The following DGKI variants were observed in gnomAD, a reference collection of about 807,000 sequenced individuals.
DGKI encodes the protein diacylglycerol kinase iota, also known as DAG kinase iota.
In DGKI, 55 loss-of-function variants were observed where a neutral mutation model predicts 147.5. The observed-to-expected ratio is 0.37, with a 90% CI of 0.30 to 0.47. The LOEUF (loss-of-function observed/expected upper bound fraction) is 0.47, where lower values mean the gene tolerates loss of function less well. Ranked by LOEUF, DGKI falls within the 20% of genes least tolerant of loss-of-function variation. The pLI is 1.00. For missense variants in DGKI, 1,007 were observed against 1,323.8 expected, an observed-to-expected ratio of 0.76 and a Z score of 3.71; for synonymous variants, 469 against 477.1, an observed-to-expected ratio of 0.98 and a Z score of 0.22.
chr7:137,419,367 G>C (rs534909384), intron 28 of DGKI, among the ~76,000 whole-genome samples: 1 of 152,080 alleles, frequency 6.6e-6, no homozygotes, highest in Admixed American at 6.5e-5. Flanking sequence ...GTTACTTCTT[G>C]CGTGGCTACC....
At chr7:137,442,799 T>C (rs1813560300) in intron 28 of DGKI, among the ~76,000 whole-genome samples, 1 of 152,234 alleles carries the variant, frequency 6.6e-6, no homozygotes, top group Non-Finnish European at 1.5e-5. Context: ...AAACACTTTT[T>C]CCTTGTTTGC....
chr7:137,843,243 TTGTACTGACTTATA>T (rs1367004272), intron 1 of DGKI: 1 of 173,554 alleles, frequency 5.8e-6, no homozygotes, highest in East Asian at 1.9e-4. Flanking sequence ...TTTTTTTTTA[TTGTACTGACTTATA>T]TGGGAATTCT....
At chr7:137,677,747 T>C (rs1158705538) in intron 3 of DGKI, among the ~76,000 whole-genome samples, 1 of 152,222 alleles carries the variant, frequency 6.6e-6, no homozygotes, top group Admixed American at 6.5e-5. Context: ...AAAAAAGCAT[T>C]CTATAAATTC....
intron 28 of DGKI, among the ~76,000 whole-genome samples, chr7:137,437,715 C>T (rs1353854965): frequency 6.6e-6 from 1 of 152,012 alleles, no homozygotes; most frequent in Non-Finnish European, 1.5e-5. Context: ...ATATATCCTC[C>T]AACAGATATC....
rs1369812656 is a variant in DGKI at position 137,608,058 on chromosome 7, GTAATAAGAACATCATC to G, written c.1167+892_1167+907del. On this transcript the variant is annotated intron_variant, in intron 10 of 32. Transcript: ENST00000614521. ...TTCTGGACAATGCCCATTGTCTTTA[GTAATAAGAACATCATC>G]TTGGACCAGTGGGTCAATCCTATTT... is the stretch of plus-strand genomic sequence containing the variant. 2.0e-5 allele frequency among the ~76,000 whole-genome samples: 3 copies of G among 152,284 alleles called. No individual in the cohort carries two copies. The East Asian group carries it at 5.8e-4, about 29-fold the overall frequency.
chr7:137,592,140 G>A (rs889466675), intron 12 of DGKI, among the ~76,000 whole-genome samples: 21 of 152,166 alleles, frequency 1.4e-4, no homozygotes, highest in Non-Finnish European at 2.6e-4. Flanking sequence ...TCCGGAACCC[G>A]TTTCCACCTG....
chr7:137,825,628 TCTCACACACACACA>T (rs1295064595), intron 1 of DGKI, among the ~76,000 whole-genome samples: 1 of 150,568 alleles, frequency 6.6e-6, no homozygotes, highest in Non-Finnish European at 1.5e-5. Flanking sequence ...ACACACACAC[TCTCACACACACACA>T]TTCACACGCA....
At chr7:137,485,874 T>C (rs1329519627) in intron 22 of DGKI, among the ~76,000 whole-genome samples, 1 of 152,124 alleles carries the variant, frequency 6.6e-6, no homozygotes, top group Non-Finnish European at 1.5e-5. Flanking sequence ...TACTGATAAG[T>C]CGCTTAGCAA....
rs1297201083 is a variant in DGKI, at chr7:137,381,680, G to A, written c.*9540C>T. On this transcript the variant is annotated 3_prime_UTR_variant, in exon 33 of 33. Transcript: ENST00000614521. The stretch of plus-strand genomic sequence containing the variant: ...GTTTTCCTCAGTTTCAGTCAGTGGT[G>A]GTCTGTATAATATTCAGATTCATGG... 6.6e-6 allele frequency: 1 copy of A among 151,756 alleles called. No individual in the cohort carries two copies. Among genetic ancestry groups the A allele is most frequent in the Non-Finnish European group, 1.5e-5 (1 of 67,930 alleles). The allele number at this position is 151,756 out of a possible 1,614,324, so 9.4% of individuals were successfully genotyped here.
In DGKI at chr7:137,742,725, GA is replaced by G. The variant is rs900464698; in HGVS notation, c.402-52724del. On this transcript the variant is annotated intron_variant, in intron 1 of 32. Coordinates refer to ENST00000614521, the MANE Select transcript of DGKI (RefSeq NM_001321708.2). ...CAAGAAAGGTACTCAGCTACCGGGG[GA>G]AAAAAAATAAAGTCAGAAAGGAAAA... Among the ~76,000 whole-genome samples, 9 of 148,604 alleles carry G rather than the reference GA, an allele frequency of 6.1e-5. No homozygotes were observed. In the East Asian group the frequency reaches 1.4e-3, roughly 22 times the overall value.
chr7:137,843,718 A>G (rs916503562), intron 1 of DGKI, among the ~76,000 whole-genome samples: 1 of 149,962 alleles, frequency 6.7e-6, no homozygotes, highest in African/African-American at 2.4e-5. Flanking sequence ...CCTAGCTTAT[A>G]TGTTCCTTAG....
intron 19 of DGKI, among the ~76,000 whole-genome samples, chr7:137,559,233 G>A (rs908669472): frequency 2.7e-5 from 4 of 150,118 alleles, no homozygotes; most frequent in African/African-American, 9.9e-5. Flanking sequence ...CACTACGCCC[G>A]GCTAATTTTT....
intron 1 of DGKI, among the ~76,000 whole-genome samples, chr7:137,843,618 G>C (rs961167948): frequency 6.6e-6 from 1 of 152,024 alleles, no homozygotes; most frequent in African/African-American, 2.4e-5. Flanking sequence ...TCCAGAAATG[G>C]TTATTTAAAG....
chr7:137,682,907 C>G (rs1433541547), intron 2 of DGKI, among the ~76,000 whole-genome samples: 1 of 152,114 alleles, frequency 6.6e-6, no homozygotes, highest in Non-Finnish European at 1.5e-5. Flanking sequence ...GGCCTGACTA[C>G]CCAGCCAACC....
rs577984311 is a variant in DGKI, at chr7:137,464,189, G to A, written c.2613-578C>T. Among the ~76,000 whole-genome samples, 11 of 150,632 alleles carry A rather than the reference G, an allele frequency of 7.3e-5. No homozygotes were observed. In the East Asian group the frequency reaches 2.0e-3, roughly 27 times the overall value. On this transcript the variant is annotated intron_variant, in intron 26 of 32. Transcript: ENST00000614521. ...GGACAATGGCATGAACCCGGGAGGC[G>A]GAGCTTGCAGTGAGCCAAGATCGCA...
chr7:137,469,869 T>C (rs1563037967), intron 23 of DGKI, among the ~76,000 whole-genome samples: 1 of 152,200 alleles, frequency 6.6e-6, no homozygotes, highest in East Asian at 1.9e-4. Context: ...ATTATTCCAT[T>C]AAACATAAAT....
intron 6 of DGKI, among the ~76,000 whole-genome samples, chr7:137,641,933 A>C (rs1455176930): frequency 6.6e-6 from 1 of 152,258 alleles, no homozygotes; most frequent in Non-Finnish European, 1.5e-5. Flanking sequence ...AGCCATAATC[A>C]TTACTATATT....
Position 137,425,217 on chromosome 7 carries a change from C to G in DGKI, c.2762-13010G>C, listed in dbSNP as rs142615252. ...GAGACAAAACTTCCAGAGGAAAGAT[C>G]AGACAGCAGCATTTGTGGTTCACGA... On this transcript the variant is annotated intron_variant, in intron 28 of 32. Coordinates refer to ENST00000614521, the MANE Select transcript of DGKI (RefSeq NM_001321708.2). Among the ~76,000 whole-genome samples, 3,653 of 150,354 alleles carry G rather than the reference C, an allele frequency of 0.024. 320 individuals carry two copies. The East Asian group carries it at 0.29, about 12-fold the overall frequency.
chr7:137,788,587 T>C (rs969983281), intron 1 of DGKI, among the ~76,000 whole-genome samples: 1 of 150,732 alleles, frequency 6.6e-6, no homozygotes, highest in African/African-American at 2.4e-5. Context: ...ATCTCTATTC[T>C]TGTTGGTCTA....
Sources: gnomAD v4.1 joint callset for allele counts (sites outside exome capture counted in the v4.1 genomes callset) on GRCh38, gnomAD v4.1.1 for gene constraint, MANE v1.5 for transcripts, NCBI Gene and HGNC (gene_info 2026-07-23, HGNC 2026-07-21) for gene names.